Variants in PCDH15 observed in about 807,000 individuals in gnomAD.
PCDH15 encodes the protein protocadherin-15.
Under a neutral mutation model 178.5 loss-of-function variants are expected in PCDH15, and 129 were observed. That is an observed-to-expected ratio of 0.72 (90% CI 0.63 to 0.84). The LOEUF is 0.84. PCDH15 is among the 40% of genes least tolerant of loss of function. PCDH15 has a pLI of 0.00. For synonymous variants in PCDH15, 800 were observed against 732.0 expected (o/e 1.09, Z -1.50); for missense variants, 2,230 against 2,099.9 (o/e 1.06, Z -1.21).
At chr10:54,810,293 C>T (rs921058060) in intron 3 of PCDH15, among the ~76,000 whole-genome samples, 6 of 151,980 alleles carry the variant, frequency 3.9e-5, no homozygotes, top group Non-Finnish European at 7.4e-5. Context: ...GTTTATTTTT[C>T]ACCTCATATA....
At chr10:55,204,518 C>T (rs868742263) in intron 1 of PCDH15, among the ~76,000 whole-genome samples, 5 of 117,642 alleles carry the variant, frequency 4.3e-5, no homozygotes, top group African/African-American at 1.3e-4. Flanking sequence ...TTAGAAAAGG[C>T]TACTATACCT....
At chr10:54,772,359 ATAATT>A (rs138798475) in intron 1 of PCDH15, among the ~76,000 whole-genome samples, 2,767 of 152,296 alleles carry the variant, frequency 0.018, 61 homozygotes, top group African/African-American at 0.062. Flanking sequence ...TGTAAAATAA[ATAATT>A]TAAGACATTC....
chr10:54,476,440 G>A (rs886561260), intron 3 of PCDH15, among the ~76,000 whole-genome samples: 1 of 151,980 alleles, frequency 6.6e-6, no homozygotes, highest in South Asian at 2.1e-4. Flanking sequence ...TTTAGCAGGT[G>A]GTAACTTTTT....
intron 2 of PCDH15, among the ~76,000 whole-genome samples, chr10:55,132,386 C>G (rs1219899985): frequency 2.6e-5 from 4 of 152,132 alleles, no homozygotes; most frequent in African/African-American, 9.7e-5. Context: ...TCTAATTCTC[C>G]TTTTGTAAAA....
chr10:53,976,265 C>A (rs1021342209), intron 21 of PCDH15, among the ~76,000 whole-genome samples: 1 of 152,002 alleles, frequency 6.6e-6, no homozygotes, highest in East Asian at 1.9e-4. Flanking sequence ...CCATGCTTAA[C>A]CCTAGGTAAT....
At chr10:53,972,847 A>T (rs973146754) in intron 21 of PCDH15, among the ~76,000 whole-genome samples, 10 of 152,180 alleles carry the variant, frequency 6.6e-5, no homozygotes, top group African/African-American at 1.7e-4. Context: ...TTGGTGGGAC[A>T]GTAAACTAGT....
At chr10:54,552,588 G>A (rs2086735302) in intron 2 of PCDH15, among the ~76,000 whole-genome samples, 1 of 152,096 alleles carries the variant, frequency 6.6e-6, no homozygotes, top group African/African-American at 2.4e-5. Context: ...TACACTTTAT[G>A]TCTCAGCTTC....
intron 18 of PCDH15, among the ~76,000 whole-genome samples, chr10:54,029,068 T>A (rs1357617947): frequency 6.6e-6 from 1 of 152,166 alleles, no homozygotes; most frequent in Non-Finnish European, 1.5e-5. Context: ...TATCTATTCC[T>A]ATGTCCCCAT....
chr10:54,262,299 T>C (rs2384428), intron 8 of PCDH15, among the ~76,000 whole-genome samples: 103,493 of 151,884 alleles, frequency 0.68, 36,245 homozygotes, highest in Middle Eastern at 0.76. Flanking sequence ...GAGTGAACCG[T>C]GCCTGGCCTG....
intron 2 of PCDH15, among the ~76,000 whole-genome samples, chr10:55,596,354 AG>A (rs777408739): frequency 6.6e-6 from 1 of 152,162 alleles, no homozygotes; most frequent in Non-Finnish European, 1.5e-5. Flanking sequence ...ATTTTCAAAC[AG>A]GGCTGAGTAT....
chr10:54,780,491 A>G (rs937299062), intron 1 of PCDH15, among the ~76,000 whole-genome samples: 2 of 152,116 alleles, frequency 1.3e-5, no homozygotes, highest in Non-Finnish European at 2.9e-5. Context: ...GGGATTTTTT[A>G]ATGTACAATT....
chr10:54,620,294 A>G (rs2093316065), intron 2 of PCDH15, among the ~76,000 whole-genome samples: 1 of 152,060 alleles, frequency 6.6e-6, no homozygotes, highest in Non-Finnish European at 1.5e-5. Flanking sequence ...AAGATTGATA[A>G]AATACCAATC....
chr10:54,556,329 G>A (rs1037407704), intron 2 of PCDH15, among the ~76,000 whole-genome samples: 3 of 151,834 alleles, frequency 2.0e-5, no homozygotes, highest in Non-Finnish European at 4.4e-5. Flanking sequence ...AGGCACCCAG[G>A]TACCTTATAC....
intron 2 of PCDH15, among the ~76,000 whole-genome samples, chr10:55,611,798 A>G (rs986038574): frequency 9.2e-5 from 14 of 152,048 alleles, no homozygotes; most frequent in African/African-American, 3.4e-4. Context: ...TTATATATAC[A>G]TATTTATAGT....
chr10:55,098,635 A>T (rs1422901689), intron 2 of PCDH15, among the ~76,000 whole-genome samples: 3 of 151,884 alleles, frequency 2.0e-5, no homozygotes, highest in Non-Finnish European at 4.4e-5. Flanking sequence ...CCAGACAATG[A>T]CCCCATTTGC....
At chr10:54,731,400 A>AT (rs1023368879) in intron 1 of PCDH15, among the ~76,000 whole-genome samples, 9 of 150,316 alleles carry the variant, frequency 6.0e-5, no homozygotes, top group Non-Finnish European at 6.0e-5. Context: ...ATGATCCAGC[A>AT]TTTCCACTAT....
chr10:54,017,814 A>G (rs375844871), intron 20 of PCDH15, among the ~76,000 whole-genome samples: 1 of 152,178 alleles, frequency 6.6e-6, no homozygotes, highest in Non-Finnish European at 1.5e-5. Flanking sequence ...AATGTAAAAT[A>G]AGACACTAAA....
intron 2 of PCDH15, among the ~76,000 whole-genome samples, chr10:55,126,072 A>G (rs1344214803): frequency 6.6e-6 from 1 of 152,038 alleles, no homozygotes; most frequent in Non-Finnish European, 1.5e-5. Context: ...AAATATAGTC[A>G]TCATTTCCCC....
chr10:54,596,248 G>A (rs1464609380), intron 2 of PCDH15, among the ~76,000 whole-genome samples: 1 of 152,164 alleles, frequency 6.6e-6, no homozygotes, highest in African/African-American at 2.4e-5. Context: ...AAGCCCATCA[G>A]ACTAACAGCA....
Sources: allele counts gnomAD v4.1 joint callset (sites outside exome capture counted in the v4.1 genomes callset), GRCh38; gene constraint gnomAD v4.1.1; transcripts MANE v1.5; gene names NCBI Gene and HGNC (gene_info 2026-07-23, HGNC 2026-07-21).